The following CCDC73 variants were observed in gnomAD, a reference collection of about 807,000 sequenced individuals.
The protein encoded by CCDC73 is coiled-coil domain-containing protein 73.
Under a neutral mutation model 116.5 loss-of-function variants are expected in CCDC73, and 95 were observed. The ratio of observed to expected loss-of-function variants is 0.82; its 90% CI spans 0.69 to 0.97. The LOEUF (loss-of-function observed/expected upper bound fraction) is 0.97. Among genes scored for constraint, CCDC73 ranks in the 50% least tolerant of loss-of-function variants. CCDC73 has a pLI of 0.00. For missense variants in CCDC73, 1,066 were observed against 1,206.8 expected, an observed-to-expected ratio of 0.88 and a Z score of 1.73; for synonymous variants, 398 against 401.3, an observed-to-expected ratio of 0.99 and a Z score of 0.10.
At chr11:32,819,591 T>C in the CCDC73 span, among the ~76,000 whole-genome samples, 4 of 151,884 alleles carry the variant, frequency 2.6e-5, no homozygotes, top group Admixed American at 1.3e-4. Context: ...GCCTCCCAAG[T>C]AGCTGAGACA....
chr11:32,624,570 T>C (rs1293355199), intron 14 of CCDC73, among the ~76,000 whole-genome samples: 1 of 152,210 alleles, frequency 6.6e-6, no homozygotes, highest in Non-Finnish European at 1.5e-5. Flanking sequence ...ATCCACTATT[T>C]AGTAAAATTT....
intron 6 of CCDC73, among the ~76,000 whole-genome samples, chr11:32,691,751 T>C (rs1231194758): frequency 1.3e-5 from 2 of 151,960 alleles, no homozygotes; most frequent in Non-Finnish European, 1.5e-5. Flanking sequence ...GCTTTTCGTG[T>C]TGTATCAAAA....
chr11:32,643,710 T>C (rs925722605), intron 12 of CCDC73, among the ~76,000 whole-genome samples: 1 of 152,160 alleles, frequency 6.6e-6, no homozygotes, highest in African/African-American at 2.4e-5. Context: ...ACCATGAACG[T>C]TGCTCTGGGT....
At chr11:32,770,011 C>A (rs1850478170) in intron 1 of CCDC73, among the ~76,000 whole-genome samples, 1 of 152,196 alleles carries the variant, frequency 6.6e-6, no homozygotes. Context: ...GTATAACAAA[C>A]CACCCAAAAC....
chr11:32,643,196 T>C (rs1327455012), intron 12 of CCDC73, among the ~76,000 whole-genome samples: 1 of 152,060 alleles, frequency 6.6e-6, no homozygotes, highest in Admixed American at 6.5e-5. Context: ...TGTAAAATTA[T>C]GGCAACATAT....
intron 5 of CCDC73, 152 bp from the exon 6 acceptor site, chr11:32,699,477 A>T: frequency 9.5e-7 from 1 of 1,047,322 alleles, no homozygotes; most frequent in Non-Finnish European, 1.2e-6. Context: ...ATAAGAGCTC[A>T]AGAACCAAAA....
chr11:32,797,100 A>G (rs1052215340), upstream of CCDC73, among the ~76,000 whole-genome samples: 78 of 152,050 alleles, frequency 5.1e-4, no homozygotes, highest in African/African-American at 1.8e-3. Context: ...CTTTCAAGTC[A>G]TGATACATGT....
At chr11:32,616,331 A>G (rs932264584) in intron 14 of CCDC73, among the ~76,000 whole-genome samples, 2 of 152,216 alleles carry the variant, frequency 1.3e-5, no homozygotes, top group Non-Finnish European at 2.9e-5. Flanking sequence ...ATAGTCTATC[A>G]TATTTAAGCA....
At chr11:32,725,481 T>C (rs1312624703) in intron 2 of CCDC73, among the ~76,000 whole-genome samples, 1 of 152,228 alleles carries the variant, frequency 6.6e-6, no homozygotes, top group East Asian at 1.9e-4. Context: ...CTATATCTTG[T>C]TGTCCTACCT....
intron 5 of CCDC73, among the ~76,000 whole-genome samples, chr11:32,700,202 A>AT (rs1251628979): frequency 6.6e-6 from 1 of 152,044 alleles, no homozygotes; most frequent in African/African-American, 2.4e-5. Flanking sequence ...ATATGGGAGA[A>AT]TTTTTTACAG....
intron 3 of CCDC73, among the ~76,000 whole-genome samples, chr11:32,707,158 T>C (rs1277101574): frequency 6.6e-6 from 1 of 152,040 alleles, no homozygotes; most frequent in Non-Finnish European, 1.5e-5. Flanking sequence ...AAAGGCCTAA[T>C]AGAGAAAAGA....
intron 2 of CCDC73, among the ~76,000 whole-genome samples, chr11:32,754,603 A>T (rs1226770183): frequency 6.6e-6 from 1 of 152,168 alleles, no homozygotes; most frequent in Non-Finnish European, 1.5e-5. Flanking sequence ...TGACAAACAG[A>T]TCTTAAGAGC....
rs187694749 is a variant in CCDC73, at chr11:32,744,884, T to C, written c.135+15225A>G. Among the ~76,000 whole-genome samples, 50 of 152,254 alleles carry C rather than the reference T, an allele frequency of 3.3e-4. No individual in the cohort carries two copies. In the East Asian group the frequency reaches 7.1e-3, roughly 22 times the overall value. The stretch of plus-strand genomic sequence containing the variant: ...CTGGATTCATTAATTTTTTGAAGGG[T>C]TTTTTGTATCTCTATCTCCTTCAGT... On this transcript the variant is annotated intron_variant, in intron 2 of 17. Coordinates refer to ENST00000335185, the MANE Select transcript of CCDC73 (RefSeq NM_001008391.4).
Position 32,625,421 on chromosome 11 carries a change from T to C in CCDC73, c.1186-9292A>G, listed in dbSNP as rs536495442. On this transcript the variant is annotated intron_variant, in intron 14 of 17. Transcript: ENST00000335185. ...ATGTTTTTGCAATGGCTGGTACTGG[T>C]TGTTCCTTTCCATGTTTAGTGCTTC... is the stretch of plus-strand genomic sequence containing the variant. Among the ~76,000 whole-genome samples, 3 of 152,344 alleles carry C rather than the reference T, an allele frequency of 2.0e-5. No individual in the cohort carries two copies. The East Asian group carries it at 5.8e-4, about 29-fold the overall frequency.
intron 13 of CCDC73, among the ~76,000 whole-genome samples, chr11:32,640,495 C>T (rs1364360869): frequency 6.6e-6 from 1 of 152,066 alleles, no homozygotes; most frequent in Non-Finnish European, 1.5e-5. Flanking sequence ...TTTCCATGGG[C>T]TTTTAAACAC....
At chr11:32,660,746 C>T (rs932135509) in intron 9 of CCDC73, among the ~76,000 whole-genome samples, 7 of 152,124 alleles carry the variant, frequency 4.6e-5, no homozygotes, top group Non-Finnish European at 8.8e-5. Flanking sequence ...TGCTTGAGCC[C>T]AGGTGTTCAC....
At chr11:32,652,552 G>T (rs368305450) in intron 12 of CCDC73, among the ~76,000 whole-genome samples, 1 of 152,064 alleles carries the variant, frequency 6.6e-6, no homozygotes, top group Non-Finnish European at 1.5e-5. Context: ...GGGGAAATGC[G>T]CCTGCCTCTG....
chr11:32,698,007 C>T (rs1849771153), intron 6 of CCDC73, among the ~76,000 whole-genome samples: 1 of 113,694 alleles, frequency 8.8e-6, no homozygotes, highest in Non-Finnish European at 1.7e-5. Context: ...TTGTCTAACA[C>T]TGAATTTTTT....
At chr11:32,669,305 T>G (rs1189130134) in intron 9 of CCDC73, among the ~76,000 whole-genome samples, 2 of 152,198 alleles carry the variant, frequency 1.3e-5, no homozygotes, top group East Asian at 3.8e-4. Context: ...AAATCTTTTA[T>G]GCTCAACTGA....
Sources: gnomAD v4.1 joint callset for allele counts (sites outside exome capture counted in the v4.1 genomes callset) on GRCh38, gnomAD v4.1.1 for gene constraint, MANE v1.5 for transcripts, NCBI Gene and HGNC (gene_info 2026-07-23, HGNC 2026-07-21) for gene names.